ZNF831: variants seen among roughly 807,000 people sequenced by gnomAD.
The protein encoded by ZNF831 is chromosome 20 open reading frame 174.
In ZNF831, 59 loss-of-function variants were observed where a neutral mutation model predicts 95.8. That is an observed-to-expected ratio of 0.62 (90% CI 0.50 to 0.77). The LOEUF is 0.77. ZNF831 is among the 30% of genes least tolerant of loss of function. The probability of loss-of-function intolerance (pLI) is 0.00; values close to 1 mark genes in which losing one functional copy is unlikely to be tolerated. For missense variants in ZNF831, 2,205 were observed against 2,164.0 expected, an observed-to-expected ratio of 1.02 and a Z score of -0.38; for synonymous variants, 961 against 925.5, an observed-to-expected ratio of 1.04 and a Z score of -0.70.
At chr20:59,245,618 T>C (rs1568794176) in intron 4 of ZNF831, among the ~76,000 whole-genome samples, 1 of 152,196 alleles carries the variant, frequency 6.6e-6, no homozygotes, top group South Asian at 2.1e-4. Flanking sequence ...CCACCCAAAA[T>C]TTCTCCAGAC....
intron 1 of ZNF831, among the ~76,000 whole-genome samples, chr20:59,135,955 C>T (rs552420038): frequency 3.3e-5 from 5 of 152,220 alleles, no homozygotes; most frequent in South Asian, 2.1e-4. Flanking sequence ...GCTTGGGCAA[C>T]GGAGCAAGAC....
chr20:59,124,978 G>A (rs1239208475), intron 1 of ZNF831, among the ~76,000 whole-genome samples: 1 of 152,210 alleles, frequency 6.6e-6, no homozygotes, highest in African/African-American at 2.4e-5. Context: ...AGTCTAGAGC[G>A]AGCAAGTATT....
intron 2 of ZNF831, among the ~76,000 whole-genome samples, chr20:59,153,825 A>G (rs1057087143): frequency 6.6e-6 from 1 of 152,230 alleles, no homozygotes; most frequent in Non-Finnish European, 1.5e-5. Context: ...ATTGCTTACC[A>G]AGTACCTAAT....
intron 4 of ZNF831, among the ~76,000 whole-genome samples, chr20:59,207,347 C>T (rs1984969762): frequency 6.6e-6 from 1 of 152,200 alleles, no homozygotes; most frequent in South Asian, 2.1e-4. Flanking sequence ...CCCTCCAGGA[C>T]CCAGGAGAAC....
intron 2 of ZNF831, among the ~76,000 whole-genome samples, chr20:59,149,654 C>G (rs1339541127): frequency 6.6e-6 from 1 of 152,240 alleles, no homozygotes; most frequent in East Asian, 1.9e-4. Flanking sequence ...GAGAGAGAGG[C>G]TGCAGAGCCC....
At chr20:59,245,314 G>A (rs1448800350) in intron 4 of ZNF831, among the ~76,000 whole-genome samples, 1 of 152,228 alleles carries the variant, frequency 6.6e-6, no homozygotes, top group Admixed American at 6.5e-5. Context: ...AAACAGATCT[G>A]GTGAGCTGGA....
intron 4 of ZNF831, 32 bp downstream of exon 4, chr20:59,207,088 G>A (rs1984949516): frequency 6.2e-7 from 1 of 1,606,626 alleles, no homozygotes; most frequent in Admixed American, 1.7e-5. Context: ...CATCCAGACT[G>A]GGCACTCGAA....
intron 4 of ZNF831, among the ~76,000 whole-genome samples, chr20:59,248,795 T>C (rs1223634231): frequency 1.3e-5 from 2 of 152,218 alleles, no homozygotes; most frequent in African/African-American, 4.8e-5. Context: ...TGGGTGAGAA[T>C]GAAAACATAT....
At chr20:59,204,914 A>G (rs1050253450) in intron 3 of ZNF831, among the ~76,000 whole-genome samples, 1 of 152,114 alleles carries the variant, frequency 6.6e-6, no homozygotes, top group African/African-American at 2.4e-5. Context: ...AGAGAAACGT[A>G]CCCTGCCCAT....
chr20:59,209,806 G>A (rs1985165900), intron 4 of ZNF831, among the ~76,000 whole-genome samples: 1 of 152,118 alleles, frequency 6.6e-6, no homozygotes, highest in South Asian at 2.1e-4. Flanking sequence ...CCTCATCTAC[G>A]TCTTGTGGCC....
intron 4 of ZNF831, among the ~76,000 whole-genome samples, chr20:59,235,025 T>G (rs1986923497): frequency 6.6e-6 from 1 of 152,166 alleles, no homozygotes; most frequent in African/African-American, 2.4e-5. Context: ...TTTGTCATCG[T>G]GGCTCCTAAG....
intron 1 of ZNF831, among the ~76,000 whole-genome samples, chr20:59,188,971 A>G (rs1983288169): frequency 6.6e-6 from 1 of 152,214 alleles, no homozygotes; most frequent in Non-Finnish European, 1.5e-5. Context: ...ACCCGAAGTC[A>G]GGAGTTCGAG....
At chr20:59,131,526 C>T (rs1048354924) in intron 1 of ZNF831, among the ~76,000 whole-genome samples, 2 of 152,168 alleles carry the variant, frequency 1.3e-5, no homozygotes, top group African/African-American at 4.8e-5. Context: ...GTCTTGGCCT[C>T]GAGGGGTTTC....
At chr20:59,228,064 CAT>C (rs1269527755) in intron 4 of ZNF831, among the ~76,000 whole-genome samples, 1 of 152,088 alleles carries the variant, frequency 6.6e-6, no homozygotes, top group Non-Finnish European at 1.5e-5. Flanking sequence ...AAATATATAA[CAT>C]ATGCATGTTA....
chr20:59,192,645 G>T lies in ZNF831; in HGVS notation c.1626G>T (p.Leu542=). ...GCCCCAGGCCCGGCCCAGCCCGCCT[G>T]GGCTGCCGCTCGGGACTAAGCTCGA... ...PLSPRPGPAR[L]GCRSGLSSTD... The change falls in exon 2 of 6, where the codon CTG becomes CTT. Residue 542 remains leucine (L), a synonymous_variant. Coordinates refer to ENST00000371030, the MANE Select transcript of ZNF831 (RefSeq NM_178457.3). The surrounding 1 kb of genome is among the most constrained non-coding windows in gnomAD (Gnocchi z 5.2). The T allele has an allele frequency of 6.6e-7, 1 of 1,506,486 alleles. No individual in the cohort carries two copies. Among genetic ancestry groups the T allele is most frequent in the Non-Finnish European group, 8.9e-7 (1 of 1,129,606 alleles). The allele number at this position is 1,506,486 out of a possible 1,614,324, so 93.3% of individuals were successfully genotyped here. A position where few individuals can be genotyped will look rare whatever the true frequency, so the allele number is the denominator to read the frequency against.
At chr20:59,197,837 T>C (rs901737941) in intron 3 of ZNF831, among the ~76,000 whole-genome samples, 1 of 152,130 alleles carries the variant, frequency 6.6e-6, no homozygotes, top group African/African-American at 2.4e-5. Context: ...ATGCATGCCA[T>C]CCAGACGGAG....
intron 1 of ZNF831, among the ~76,000 whole-genome samples, chr20:59,185,145 C>G (rs964585750): frequency 6.6e-6 from 1 of 152,124 alleles, no homozygotes; most frequent in Non-Finnish European, 1.5e-5. Context: ...CCCCATCAGT[C>G]CAATGGGGAC....
At chr20:59,129,344 G>A (rs895621537) in intron 1 of ZNF831, among the ~76,000 whole-genome samples, 1 of 152,094 alleles carries the variant, frequency 6.6e-6, no homozygotes, top group Non-Finnish European at 1.5e-5. Flanking sequence ...ACACAGAACT[G>A]GGCCTGGTGT....
chr20:59,158,019 A>G (rs1317467217), intron 2 of ZNF831, among the ~76,000 whole-genome samples: 2 of 152,238 alleles, frequency 1.3e-5, no homozygotes, highest in African/African-American at 2.4e-5. Flanking sequence ...AAATCACTTC[A>G]GGTGCTGGAA....
Sources: gnomAD v4.1 joint callset for allele counts (sites outside exome capture counted in the v4.1 genomes callset) on GRCh38, gnomAD v4.1.1 for gene constraint, Gnocchi (gnomAD v3.1) non-coding constraint, MANE v1.5 for transcripts, NCBI Gene and HGNC (gene_info 2026-07-23, HGNC 2026-07-21) for gene names.